STAT6: variants seen among roughly 807,000 people sequenced by gnomAD.
The protein encoded by STAT6 is signal transducer and activator of transcription 6.
STAT6 carries 45 observed loss-of-function variants against 106.3 expected under a neutral mutation model. That is an observed-to-expected ratio of 0.42 (90% confidence interval 0.33 to 0.54). The LOEUF (loss-of-function observed/expected upper bound fraction) is 0.54, where lower values mean the gene tolerates loss of function less well. Among genes scored for constraint, STAT6 ranks in the 20% least tolerant of loss-of-function variants. The pLI, the probability that STAT6 is intolerant of heterozygous loss-of-function variation, is 0.06. For missense variants in STAT6, 797 were observed against 1,062.2 expected (o/e 0.75, Z 3.47); for synonymous variants, 413 against 413.6 (o/e 1.00, Z 0.02).
chr12:57,106,349 G>A lies in STAT6; in HGVS notation c.532-10C>T, dbSNP rs769357526. On this transcript the variant is annotated splice_polypyrimidine_tract_variant and intron_variant, in intron 6 of 21. Transcript: ENST00000300134. ...GTAGCATGGCCAGGGCCTATGGGCA[G>A]AGAGGGGCCTGAGCCAGGGCCTCAC... 4 of 1,614,172 alleles carry A rather than the reference G, an allele frequency of 2.5e-6. No homozygotes were observed. The highest frequency in any genetic ancestry group is 1.7e-5 in the Admixed American group (1 of 60,004).
rs770737057 is a variant in STAT6, at chr12:57,098,601, G to A, written c.2067-4C>T. The A allele has an allele frequency of 1.9e-6, 3 of 1,612,788 alleles. No individual in the cohort carries two copies. Among genetic ancestry groups the A allele is most frequent in the Non-Finnish European group, 2.5e-6 (3 of 1,179,404 alleles). On this transcript the variant is annotated splice_region_variant and splice_polypyrimidine_tract_variant and intron_variant, in intron 18 of 21. Transcript: ENST00000300134. ...GTGTGGTGGGTACACCTGGGGCCTG[G>A]GGAAAGAAAACAGACCCCCTGATGC...
chr12:57,103,674 T>C (rs2034095744), intron 11 of STAT6: 1 of 152,346 alleles, frequency 6.6e-6, no homozygotes, highest in Admixed American at 6.6e-5. Flanking sequence ...TTCAAGCGAT[T>C]CTCCTGCTTA....
intron 19 of STAT6, 35 bp from the exon 20 acceptor site, chr12:57,097,168 G>A (rs1312861324): frequency 6.7e-7 from 1 of 1,493,144 alleles, no homozygotes. Context: ...GAGGAAGGCA[G>A]GCTAGGCAAA....
intron 11 of STAT6, 108 bp downstream of exon 11, chr12:57,104,356 A>G: frequency 2.8e-6 from 4 of 1,451,484 alleles, no homozygotes; most frequent in Non-Finnish European, 3.7e-6. Flanking sequence ...AATCCCAGAC[A>G]CATGGGGTAT....
At position 57,106,577 on chromosome 12, in the gene STAT6, G is replaced by C. The variant is rs767350387; in HGVS notation, c.482C>G (p.Ser161Cys). Residue 161 changes from serine to cysteine, a missense_variant, in exon 6 of 22, where the codon TCT (serine) becomes TGT (cysteine). Around this residue, in one of 4 missense-constraint regions of STAT6, gnomAD observed 336 missense variants for 429.8 expected, o/e 0.78. Transcript: ENST00000300134. ...LQKGAEAGQV[S>C]LHSLIETPAN... is the part of the protein sequence containing the mutation. ...AGGAGTTTCTATCAAGCTGTGCAGAGACACTGAGGGTTGGGGGCAGAAATC... is the reference window on the plus strand; with the variant it reads ...AGGAGTTTCTATCAAGCTGTGCAGACACACTGAGGGTTGGGGGCAGAAATC... 2 of 1,614,208 alleles carry C rather than the reference G, an allele frequency of 1.2e-6. No individual in the cohort carries two copies. The highest frequency in any genetic ancestry group is 2.2e-5 in the South Asian group (2 of 91,074).
intron 10 of STAT6, 52 bp downstream of exon 10, chr12:57,104,674 G>A: frequency 2.5e-6 from 4 of 1,613,696 alleles, no homozygotes; most frequent in Admixed American, 1.7e-5. Flanking sequence ...TCCAAGGAGA[G>A]TCCCACAGTC....
chr12:57,100,632 GAGAAAGAGAAAGAA>G (rs1436273486), intron 13 of STAT6, among the ~76,000 whole-genome samples: 2 of 114,408 alleles, frequency 1.7e-5, no homozygotes, highest in South Asian at 3.0e-4. Context: ...AAGAGAGAAA[GAGAAAGAGAAAGAA>G]AGAAAGAAAG....
intron 13 of STAT6, among the ~76,000 whole-genome samples, chr12:57,101,156 T>G (rs2033904653): frequency 6.6e-6 from 1 of 152,108 alleles, no homozygotes; most frequent in East Asian, 1.9e-4. Flanking sequence ...TGGCACAATC[T>G]TGGCTCGCTG....
intron 12 of STAT6, 44 bp from the exon 13 acceptor site, chr12:57,102,540 T>C: frequency 6.3e-7 from 1 of 1,598,412 alleles, no homozygotes; most frequent in Non-Finnish European, 8.5e-7. Context: ...GCTACCGTCT[T>C]GTTATTCCTC....
intron 13 of STAT6, among the ~76,000 whole-genome samples, chr12:57,100,340 A>G (rs2033744774): frequency 6.6e-6 from 1 of 152,178 alleles, no homozygotes; most frequent in Admixed American, 6.5e-5. Context: ...ATTCCATCTT[A>G]CAGATGAAGA....
At position 57,107,313 on chromosome 12, in the gene STAT6, C is replaced by A. The variant is rs1232270313; in HGVS notation, c.257G>T (p.Ser86Ile). 1.2e-6 allele frequency: 2 copies of A among 1,613,896 alleles called. No individual in the cohort carries two copies. The highest frequency in any genetic ancestry group is 1.7e-6 in the Non-Finnish European group (2 of 1,179,762). ...CTTCAGGGGGTCCCTCTGATATATG[C>A]TCTACAGAAATGAGGGTGGTAAACA... Reference protein sequence around the residue: ...TILQHISTLESIYQRDPLKLV... With the variant: ...TILQHISTLEIIYQRDPLKLV... Residue 86 changes from serine to isoleucine, a missense_variant and splice_region_variant, in exon 4 of 22, where the codon AGC (serine) becomes ATC (isoleucine). Physicochemically the swap from Ser to Ile is moderately radical, Grantham distance 142 (BLOSUM62 -2). This residue lies in a region of STAT6 where 336 missense variants were observed against 429.8 expected (regional missense o/e 0.78). Transcript: ENST00000300134.
At chr12:57,103,337 G>A in intron 11 of STAT6, 1 of 159,772 alleles carries the variant, frequency 6.3e-6, no homozygotes. Flanking sequence ...CTAATTTTTT[G>A]TATTTTTAGT....
intron 1 of STAT6, among the ~76,000 whole-genome samples, chr12:57,109,180 C>T (rs551014881): frequency 2.6e-5 from 4 of 151,650 alleles, no homozygotes; most frequent in South Asian, 2.1e-4. Context: ...CCAGCCTGGG[C>T]GACAGAGAGA....
Position 57,106,528 on chromosome 12 carries a change from C to T in STAT6, c.531G>A (p.Glu177=). ...ETPANGTGPS[E]ALAMLLQETT... is the part of the protein sequence containing the mutation. Reference sequence around the variant, plus strand: ...CTCCACCTGTCAGCCCATTACTCACCTCACTTGGCCCAGTCCCATTAGCAG... The same window carrying T: ...CTCCACCTGTCAGCCCATTACTCACTTCACTTGGCCCAGTCCCATTAGCAG... The change falls in exon 6 of 22, where the codon GAG becomes GAA. Residue 177 remains glutamate (E), a splice_region_variant and synonymous_variant. Transcript: ENST00000300134. 6.2e-7 allele frequency: 1 copy of T among 1,614,148 alleles called. No individual in the cohort carries two copies. The highest frequency in any genetic ancestry group is 8.5e-7 in the Non-Finnish European group (1 of 1,180,008).
chr12:57,106,036 A>G, intron 7 of STAT6, 155 bp downstream of exon 7: 1 of 1,305,944 alleles, frequency 7.7e-7, no homozygotes, highest in Non-Finnish European at 1.0e-6. Flanking sequence ...GACCTGAACG[A>G]CAGTGTGCAC....
Position 57,099,114 on chromosome 12 carries a change from C to G in STAT6, c.1892-36G>C. ...AAGGAAAAGACAGCCATGGAGTGCT[C>G]TGGGGTTAGGGAGGAAGGGAGGTGG... On this transcript the variant is annotated intron_variant, in intron 16 of 21. Transcript: ENST00000300134. The surrounding 1 kb of genome is among the most constrained non-coding windows in gnomAD (Gnocchi z 4.7). The G allele has an allele frequency of 6.2e-7, 1 of 1,613,410 alleles. No individual in the cohort carries two copies. Among genetic ancestry groups the G allele is most frequent in the Non-Finnish European group, 8.5e-7 (1 of 1,179,726 alleles).
chr12:57,096,188 C>T lies in STAT6; in HGVS notation c.*384G>A, dbSNP rs889666984. On this transcript the variant is annotated 3_prime_UTR_variant, in exon 22 of 22. Coordinates refer to ENST00000300134, the MANE Select transcript of STAT6 (RefSeq NM_003153.5). ...GTCCTAGGCCCTGGGTCAGAATGGGCGGAGAAGCCTTCCATGCCCTAACCT... is the reference window on the plus strand; with the variant it reads ...GTCCTAGGCCCTGGGTCAGAATGGGTGGAGAAGCCTTCCATGCCCTAACCT... 1.5e-5 allele frequency: 3 copies of T among 195,140 alleles called. No individual in the cohort carries two copies. The East Asian group carries it at 4.4e-4, about 28-fold the overall frequency. 12.1% of individuals were successfully genotyped at this position (195,140 alleles called of 1,614,324 possible). A position where few individuals can be genotyped will look rare whatever the true frequency, so the allele number is the denominator to read the frequency against.
At chr12:57,104,697 C>G in intron 10 of STAT6, 29 bp downstream of exon 10, 6 of 1,613,924 alleles carry the variant, frequency 3.7e-6, no homozygotes, top group Non-Finnish European at 5.1e-6. Context: ...CTAGTGGTGC[C>G]CCCCTCACTG....
At chr12:57,100,123 G>C (rs747743590) in intron 13 of STAT6, 33 bp from the exon 14 acceptor site, 1 of 1,554,860 alleles carries the variant, frequency 6.4e-7, no homozygotes, top group South Asian at 1.2e-5. Context: ...GTGAGCCGAG[G>C]GAGGGCCAGA....
Sources: gnomAD v4.1 joint callset for allele counts (sites outside exome capture counted in the v4.1 genomes callset) on GRCh38, gnomAD v4.1.1 for gene constraint, gnomAD v4.1.1 regional missense constraint, Gnocchi (gnomAD v3.1) non-coding constraint, MANE v1.5 for transcripts, NCBI Gene and HGNC (gene_info 2026-07-23, HGNC 2026-07-21) for gene names.